The following INTS1 variants were observed in gnomAD, a reference collection of about 807,000 sequenced individuals.
The protein encoded by INTS1 is integrator complex subunit 1.
Under a neutral mutation model 241.6 loss-of-function variants are expected in INTS1, and 137 were observed. The observed-to-expected ratio is 0.57, with a 90% CI of 0.49 to 0.65. The LOEUF is 0.65. INTS1 is among the 30% of genes least tolerant of loss of function. The pLI is 0.00. For synonymous variants in INTS1, 1,692 were observed against 1,337.8 expected (o/e 1.26, Z -5.78); for missense variants, 3,073 against 3,032.2 (o/e 1.01, Z -0.32).
Position 1,502,935 on chromosome 7 carries a change from C to G in INTS1, c.315G>C (p.Pro105=). ...GCACCACAGATGGCTCTTTAATCGA[C>G]GGAGAAATGGCTCGTTTTTCTGCCA... The part of the protein sequence containing the change: ...AAVAEKRAIS[P]SIKEPSVVPI... Residue 105 remains proline, a synonymous_variant, in exon 3 of 48, where the codon CCG becomes CCC. Coordinates refer to ENST00000404767, the MANE Select transcript of INTS1 (RefSeq NM_001080453.3). 6.2e-7 allele frequency: 1 copy of G among 1,613,852 alleles called. No homozygotes were observed. The highest frequency in any genetic ancestry group is 8.5e-7 in the Non-Finnish European group (1 of 1,179,872).
At position 1,493,787 on chromosome 7, in the gene INTS1, G is replaced by A; in HGVS notation, c.2035C>T (p.Leu679=). Residue 679 remains leucine, a synonymous_variant, in exon 15 of 48, where the codon CTG becomes TTG. Coordinates refer to ENST00000404767, the MANE Select transcript of INTS1 (RefSeq NM_001080453.3). The surrounding 1 kb of genome is among the most constrained non-coding windows in gnomAD (Gnocchi z 5.3). ...PADAMELADH[L]VKRAAAVQAD... is the part of the protein sequence containing the mutation. The stretch of plus-strand genomic sequence containing the variant: ...TGCACGGCAGCCGCCCGCTTCACCA[G>A]GTGGTCAGCAAGCTCCATGGCGTCC... 1.9e-6 allele frequency: 3 copies of A among 1,579,356 alleles called. No individual in the cohort carries two copies. Among genetic ancestry groups the A allele is most frequent in the Middle Eastern group, 3.3e-4 (2 of 6,008 alleles).
Position 1,495,529 on chromosome 7 carries a change from TG to T in INTS1, c.1735del (p.Gln579ArgfsTer75). 1.9e-6 allele frequency: 3 copies of T among 1,611,880 alleles called. No individual in the cohort carries two copies. The highest frequency in any genetic ancestry group is 2.5e-6 in the Non-Finnish European group (3 of 1,179,528). On this transcript the variant is annotated frameshift_variant, in exon 13 of 48. Coordinates refer to ENST00000404767, the MANE Select transcript of INTS1 (RefSeq NM_001080453.3). LOFTEE classifies it high-confidence loss of function. ...KRNLEVLRSF[Q>X]NQIAAIQRDA... ...CCGCTGGATGGCGGCAATCTGGTTC[TG>T]GAATGAGCGGAGCACTTCCAGGTCT...
In INTS1 at chr7:1,497,418, T is replaced by A; in HGVS notation, c.1426-104A>T. Reference sequence around the variant, plus strand: ...GGTATGGCGCCCGAGGGCGCTGCAGTGGGTCTCAGACAGTGTGGGGTGCGG... The same window carrying A: ...GGTATGGCGCCCGAGGGCGCTGCAGAGGGTCTCAGACAGTGTGGGGTGCGG... On this transcript the variant is annotated intron_variant, in intron 10 of 47. Coordinates refer to ENST00000404767, the MANE Select transcript of INTS1 (RefSeq NM_001080453.3). The surrounding 1 kb of genome is among the most constrained non-coding windows in gnomAD (Gnocchi z 5.3). 2 of 1,257,870 alleles carry A rather than the reference T, an allele frequency of 1.6e-6. No individual in the cohort carries two copies. The highest frequency in any genetic ancestry group is 2.2e-6 in the Non-Finnish European group (2 of 923,018). 77.9% of individuals were successfully genotyped at this position (1,257,870 alleles called of 1,614,324 possible). A position where few individuals can be genotyped will look rare whatever the true frequency, so the allele number is the denominator to read the frequency against.
At position 1,503,954 on chromosome 7, in the gene INTS1, G is replaced by A. The variant is rs988389010; in HGVS notation, c.7C>T (p.Arg3Trp). MNRAKPTTVRRPS... is the reference protein window; with the variant it reads MNWAKPTTVRRPS... ...CGGCGCACCGTGGTGGGCTTGGCCC[G>A]GTTCATCCTGCCCCGTCCCTCGCGG... The change falls in exon 2 of 48, where the codon CGG becomes TGG. Residue 3 changes from arginine to tryptophan, a missense_variant. Coordinates refer to ENST00000404767, the MANE Select transcript of INTS1 (RefSeq NM_001080453.3). The A allele has an allele frequency of 1.3e-6, 2 of 1,564,122 alleles. No individual in the cohort carries two copies. Among genetic ancestry groups the A allele is most frequent in the Non-Finnish European group, 1.7e-6 (2 of 1,155,312 alleles).
intron 26 of INTS1, 79 bp from the exon 27 acceptor site, chr7:1,482,786 G>C: frequency 6.6e-7 from 1 of 1,525,708 alleles, no homozygotes; most frequent in Non-Finnish European, 8.9e-7. Context: ...CAAGGCTAGA[G>C]GCACCTCCTC....
intron 1 of INTS1, among the ~76,000 whole-genome samples, 152 bp downstream of exon 1, chr7:1,504,171 G>A (rs1783349300): frequency 6.6e-6 from 1 of 152,152 alleles, no homozygotes; most frequent in African/African-American, 2.4e-5. Flanking sequence ...CCAGCCGCCC[G>A]GGAGCGGCTC....
chr7:1,470,586 G>C lies in INTS1; in HGVS notation c.6564C>G (p.Ala2188=). 6.4e-7 allele frequency: 1 copy of C among 1,563,998 alleles called. No individual in the cohort carries two copies. Among genetic ancestry groups the C allele is most frequent in the Non-Finnish European group, 8.7e-7 (1 of 1,155,370 alleles). The part of the protein sequence containing the change: ...SEALRILHME[A]VM ...GTCGGCTGCCACAGGCTCACATCAC[G>C]GCCTCCATATGCAGGATCCTCAGGG... Residue 2188 remains alanine, a synonymous_variant, in exon 48 of 48, where the codon GCC becomes GCG. Transcript: ENST00000404767.
rs1412597434 is a variant in INTS1 at position 1,473,184 on chromosome 7, G to A, written c.5958C>T (p.His1986=). Residue 1986 remains histidine, a splice_region_variant and synonymous_variant, in exon 43 of 48, where the codon CAC becomes CAT. Transcript: ENST00000404767. ...SFLQKHADPL[H]DLSFDNSDLV... ...GGTCACTGTTGTCGAAGGACAGGTC[G>A]CTGGGGAGAGAAGATGCTTTCACCT... is the stretch of plus-strand genomic sequence containing the variant. The A allele has an allele frequency of 1.9e-6, 3 of 1,604,972 alleles. No individual in the cohort carries two copies. Among genetic ancestry groups the A allele is most frequent in the Admixed American group, 1.7e-5 (1 of 59,474 alleles).
chr7:1,491,568 A>G lies in INTS1; in HGVS notation c.2165+1442T>C, dbSNP rs191312449. 7.7e-4 allele frequency among the ~76,000 whole-genome samples: 118 copies of G among 152,372 alleles called. 1 individual carries two copies. The highest frequency in any genetic ancestry group is 2.6e-3 in the African/African-American group (107 of 41,588). On this transcript the variant is annotated intron_variant, in intron 16 of 47. Transcript: ENST00000404767. ...GACATGACACAAAAGCACAGAAACC[A>G]AACAAAAATAGATAAAAGTGGATTT...
At position 1,474,835 on chromosome 7, in the gene INTS1, C is replaced by A; in HGVS notation, c.5506G>T (p.Asp1836Tyr). ...GTGATGAAGCGGTGGATGAGTCCGT[C>A]CAGCTGCAGGGAGGGGCGCTCTGAG... ...GAASSSVCKLDGLIHRFITLL... is the reference protein window; with the variant it reads ...GAASSSVCKLYGLIHRFITLL... Residue 1836 changes from aspartate (D) to tyrosine (Y), a missense_variant, in exon 40 of 48, where the codon GAC becomes TAC. Physicochemically the swap from Asp to Tyr is radical, Grantham distance 160. Coordinates refer to ENST00000404767, the MANE Select transcript of INTS1 (RefSeq NM_001080453.3). 6.3e-7 allele frequency: 1 copy of A among 1,586,766 alleles called. No individual in the cohort carries two copies. The highest frequency in any genetic ancestry group is 8.6e-7 in the Non-Finnish European group (1 of 1,168,908).
In INTS1 at chr7:1,494,898, G is replaced by A. The variant is rs1782770764; in HGVS notation, c.1833-5C>T. 1.3e-6 allele frequency: 2 copies of A among 1,557,080 alleles called. No homozygotes were observed. ...GTGAACAGCACCTTGTGCAGGCTGG[G>A]CAGGCAGAGAAGAGCCCTCAGTCAT... On this transcript the variant is annotated splice_region_variant and splice_polypyrimidine_tract_variant and intron_variant, in intron 13 of 47. Transcript: ENST00000404767.
chr7:1,480,278 G>A (rs764313133), intron 30 of INTS1, 39 bp downstream of exon 30: 5 of 1,571,724 alleles, frequency 3.2e-6, no homozygotes, highest in African/African-American at 1.4e-5. Flanking sequence ...GCAGGAAGAG[G>A]GGCTGCAGGT....
At chr7:1,473,461 G>A (rs1781568542) in intron 42 of INTS1, 105 bp downstream of exon 42, 1 of 1,379,856 alleles carries the variant, frequency 7.2e-7, no homozygotes, top group Non-Finnish European at 9.9e-7. Context: ...CCCGGCCTCA[G>A]GAGCAGCATA....
chr7:1,487,218 C>T (rs908183650), intron 20 of INTS1, 102 bp downstream of exon 20: 100 of 1,503,800 alleles, frequency 6.6e-5, no homozygotes, highest in Non-Finnish European at 8.3e-5. Flanking sequence ...TCATGGGCCC[C>T]GCATCCAGGT....
At chr7:1,471,498 G>A (rs1781465286) in intron 45 of INTS1, 73 bp downstream of exon 45, 4 of 1,498,844 alleles carry the variant, frequency 2.7e-6, no homozygotes, top group Non-Finnish European at 3.7e-6. Flanking sequence ...ACGCCATGTT[G>A]GGGTGGTGGC....
intron 3 of INTS1, chr7:1,501,310 TAATA>T (rs1783168073): frequency 6.6e-6 from 1 of 151,196 alleles, no homozygotes; most frequent in South Asian, 2.1e-4. Context: ...AATAAATAAA[TAATA>T]AATAATAAGT....
rs7807096 is a variant in INTS1 at position 1,487,191 on chromosome 7, G to A, written c.2647-90C>T. 8.0e-3 allele frequency: 11,991 copies of A among 1,507,212 alleles called. 553 individuals are homozygous for A. In the African/African-American group the frequency reaches 0.11, roughly 14 times the overall value. The allele number at this position is 1,507,212 out of a possible 1,614,324, so 93.4% of individuals were successfully genotyped here. ...GGGTGACCGCGGAGCCGGAAAGGGC[G>A]ACACGCAGCAGCCAGCTCATGGGCC... On this transcript the variant is annotated intron_variant, in intron 20 of 47. Transcript: ENST00000404767.
At position 1,489,613 on chromosome 7, in the gene INTS1, G is replaced by A. The variant is rs368809979; in HGVS notation, c.2235C>T (p.Ala745=). The A allele has an allele frequency of 4.8e-5, 77 of 1,588,586 alleles. 1 individual carries two copies. Among genetic ancestry groups the A allele is most frequent in the Admixed American group, 2.4e-4 (14 of 57,586 alleles). Residue 745 remains alanine, a synonymous_variant, in exon 17 of 48, where the codon GCC becomes GCT. Coordinates refer to ENST00000404767, the MANE Select transcript of INTS1 (RefSeq NM_001080453.3). The stretch of plus-strand genomic sequence containing the variant: ...CACCGATGTTCTCTGGGTTGAATGC[G>A]GCGACGACCAGCAGGAGGGGCCAGG... The part of the protein sequence containing the change: ...WKAWPLLLVV[A]AFNPENIGLA...
rs752573183 is a variant in INTS1 at position 1,500,011 on chromosome 7, C to T, written c.557G>A (p.Ser186Asn). Residue 186 changes from serine to asparagine, a missense_variant, in exon 5 of 48, where the codon AGC becomes AAC. Coordinates refer to ENST00000404767, the MANE Select transcript of INTS1 (RefSeq NM_001080453.3). Reference protein sequence around the residue: ...ATEGVIEALCSLLRRDASINF... With the variant: ...ATEGVIEALCNLLRRDASINF... ...GATGGAGGCGTCCCGCCGCAGGAGG[C>T]TACACAGAGCCTGCCAGGGAGGGCG... 7.4e-6 allele frequency: 12 copies of T among 1,613,242 alleles called. No individual in the cohort carries two copies. Among genetic ancestry groups the T allele is most frequent in the Admixed American group, 6.7e-5 (4 of 59,990 alleles).
Sources: allele counts gnomAD v4.1 joint callset (sites outside exome capture counted in the v4.1 genomes callset), GRCh38; gene constraint gnomAD v4.1.1; non-coding constraint Gnocchi (gnomAD v3.1); transcripts MANE v1.5; gene names NCBI Gene and HGNC (gene_info 2026-07-23, HGNC 2026-07-21).